The following OPCML variants were observed in gnomAD, a reference collection of about 807,000 sequenced individuals.
OPCML encodes the protein opioid-binding protein/cell adhesion molecule.
Under a neutral mutation model 37.8 loss-of-function variants are expected in OPCML, and 13 were observed. The observed-to-expected ratio is 0.34, with a 90% CI of 0.22 to 0.55. The LOEUF (loss-of-function observed/expected upper bound fraction) is 0.55. OPCML is among the 20% of genes least tolerant of loss of function. The pLI is 0.91. For missense variants in OPCML, 341 were observed against 435.6 expected, an observed-to-expected ratio of 0.78 and a Z score of 1.93; for synonymous variants, 176 against 168.8, an observed-to-expected ratio of 1.04 and a Z score of -0.33.
At chr11:133,194,787 A>G (rs781214779) in intron 1 of OPCML, among the ~76,000 whole-genome samples, 5 of 151,838 alleles carry the variant, frequency 3.3e-5, no homozygotes, top group Non-Finnish European at 4.4e-5. Flanking sequence ...TCATCCCCAC[A>G]TTTTCCCTTC....
At chr11:133,112,651 C>A (rs905922290) in intron 1 of OPCML, among the ~76,000 whole-genome samples, 1 of 152,106 alleles carries the variant, frequency 6.6e-6, no homozygotes, top group Non-Finnish European at 1.5e-5. Context: ...GCCGTGAATG[C>A]TTTGATAGGT....
At chr11:132,673,172 A>G (rs892425771) in intron 2 of OPCML, among the ~76,000 whole-genome samples, 1 of 152,226 alleles carries the variant, frequency 6.6e-6, no homozygotes, top group Non-Finnish European at 1.5e-5. Context: ...GATGAGTGGT[A>G]TCGTCCTTCC....
At chr11:132,683,425 A>C (rs1350377851) in intron 2 of OPCML, among the ~76,000 whole-genome samples, 2 of 152,052 alleles carry the variant, frequency 1.3e-5, no homozygotes, top group African/African-American at 4.8e-5. Flanking sequence ...TTAAGGAAAA[A>C]CCTGGTTGAT....
chr11:132,980,519 CAT>C (rs2136786758), intron 1 of OPCML, among the ~76,000 whole-genome samples: 1 of 152,300 alleles, frequency 6.6e-6, no homozygotes, highest in South Asian at 2.1e-4. Context: ...TCTTAAAAAA[CAT>C]AGGCCCTGTG....
chr11:132,878,579 A>G lies in OPCML; in HGVS notation c.146+64347T>C, dbSNP rs2725424. Among the ~76,000 whole-genome samples, 800 of 152,250 alleles carry G rather than the reference A, an allele frequency of 5.3e-3. 6 individuals carry two copies. The highest frequency in any genetic ancestry group is 0.043 in the East Asian group (223 of 5,148). ...TTGGAACTTCTCGGCTTCCATAATC[A>G]TGTCCATTAATTCTTATGATAAATC... On this transcript the variant is annotated intron_variant, in intron 2 of 7. Transcript: ENST00000524381.
intron 2 of OPCML, among the ~76,000 whole-genome samples, chr11:132,903,005 T>C (rs139446521): frequency 6.6e-6 from 1 of 152,246 alleles, no homozygotes; most frequent in Non-Finnish European, 1.5e-5. Context: ...TCTAGGCAAT[T>C]GTTTCTTGGG....
chr11:132,996,436 G>A (rs1252748760), intron 1 of OPCML, among the ~76,000 whole-genome samples: 5 of 149,686 alleles, frequency 3.3e-5, no homozygotes, highest in Non-Finnish European at 7.4e-5. Flanking sequence ...GACCAATATG[G>A]TGAAACCCCA....
intron 1 of OPCML, among the ~76,000 whole-genome samples, chr11:132,997,613 C>T (rs1184590438): frequency 1.3e-5 from 2 of 152,154 alleles, no homozygotes; most frequent in Non-Finnish European, 2.9e-5. Flanking sequence ...GAGCAAGACC[C>T]GTGGATGGTG....
chr11:133,332,283 A>G (rs936890303), intron 1 of OPCML, among the ~76,000 whole-genome samples: 1 of 152,148 alleles, frequency 6.6e-6, no homozygotes, highest in Non-Finnish European at 1.5e-5. Context: ...TTGATTTTGT[A>G]TCCTGCAACT....
intron 1 of OPCML, among the ~76,000 whole-genome samples, chr11:133,484,039 TAGATAGATAGATA>T (rs1947465826): frequency 2.1e-5 from 1 of 47,092 alleles, no homozygotes; most frequent in Non-Finnish European, 5.2e-5. Context: ...ATTAGATAGA[TAGATAGATAGATA>T]GATAGATAGA....
At chr11:133,421,601 C>T (rs1945887949) in intron 1 of OPCML, 3 of 985,310 alleles carry the variant, frequency 3.0e-6, no homozygotes, top group Admixed American at 6.1e-5. Flanking sequence ...GTTTCAACCT[C>T]TATAACCATT....
chr11:132,467,350 C>A (rs1374096872), intron 4 of OPCML, among the ~76,000 whole-genome samples: 1 of 152,210 alleles, frequency 6.6e-6, no homozygotes, highest in Non-Finnish European at 1.5e-5. Flanking sequence ...TCCTCACACT[C>A]CAGTTACCTA....
intron 4 of OPCML, among the ~76,000 whole-genome samples, chr11:132,444,296 A>G (rs1378269923): frequency 6.6e-6 from 1 of 152,160 alleles, no homozygotes; most frequent in Admixed American, 6.5e-5. Context: ...CCCTCTAGAA[A>G]CCTGTGAGGG....
chr11:133,322,733 A>T (rs147379858), intron 1 of OPCML, among the ~76,000 whole-genome samples: 2 of 152,222 alleles, frequency 1.3e-5, no homozygotes, highest in African/African-American at 4.8e-5. Flanking sequence ...TTTCGCATCC[A>T]ATCCGCCACC....
chr11:133,466,624 C>T (rs902026327), intron 1 of OPCML, among the ~76,000 whole-genome samples: 6 of 152,220 alleles, frequency 3.9e-5, no homozygotes, highest in African/African-American at 1.4e-4. Flanking sequence ...TTAAACTCTC[C>T]TGTGTAGTCA....
chr11:132,587,944 C>T (rs2096476593), intron 3 of OPCML, among the ~76,000 whole-genome samples: 1 of 152,142 alleles, frequency 6.6e-6, no homozygotes, highest in South Asian at 2.1e-4. Context: ...TCTTCCTGTT[C>T]TTGCAATTTC....
intron 1 of OPCML, chr11:133,360,545 T>C (rs919106679): frequency 5.3e-5 from 8 of 150,812 alleles, no homozygotes; most frequent in African/African-American, 2.0e-4. Flanking sequence ...AATACACAGG[T>C]AGGATGCTTT....
chr11:132,430,051 G>A (rs2095991248), intron 7 of OPCML, among the ~76,000 whole-genome samples: 6 of 152,164 alleles, frequency 3.9e-5, no homozygotes, highest in Admixed American at 3.3e-4. Flanking sequence ...GGGTGTTAGA[G>A]GGAGACAGAT....
chr11:132,962,458 T>C (rs146454979), intron 1 of OPCML, among the ~76,000 whole-genome samples: 1 of 152,362 alleles, frequency 6.6e-6, no homozygotes, highest in African/African-American at 2.4e-5. Flanking sequence ...TCAGTTTGCC[T>C]AGTCAGTGAT....
Sources: gnomAD v4.1 joint callset for allele counts (sites outside exome capture counted in the v4.1 genomes callset) on GRCh38, gnomAD v4.1.1 for gene constraint, MANE v1.5 for transcripts, NCBI Gene and HGNC (gene_info 2026-07-23, HGNC 2026-07-21) for gene names.